MCCC1: variants seen among roughly 807,000 people sequenced by gnomAD.
MCCC1 encodes methylcrotonyl-CoA carboxylase subunit 1.
Under a neutral mutation model 83.8 loss-of-function variants are expected in MCCC1, and 64 were observed. That is an observed-to-expected ratio of 0.76 (90% CI 0.62 to 0.94). The LOEUF is 0.94. Among genes scored for constraint, MCCC1 ranks in the 40% least tolerant of loss-of-function variants. The pLI is 0.00. For synonymous variants in MCCC1, 322 were observed against 315.4 expected, an observed-to-expected ratio of 1.02 and a Z score of -0.22; for missense variants, 807 against 904.7, an observed-to-expected ratio of 0.89 and a Z score of 1.39.
intron 7 of MCCC1, among the ~76,000 whole-genome samples, chr3:183,067,263 A>C (rs916888984): frequency 2.0e-5 from 3 of 152,240 alleles, no homozygotes. Flanking sequence ...AGTTATCGTG[A>C]GACCTCAAGA....
rs1237043704 is a variant in MCCC1, at chr3:183,017,346, T to C, written c.1978-9A>G. The C allele has an allele frequency of 6.2e-7, 1 of 1,613,398 alleles. No homozygotes were observed. The highest frequency in any genetic ancestry group is 1.7e-5 in the Admixed American group (1 of 60,030). On this transcript the variant is annotated splice_polypyrimidine_tract_variant and intron_variant, in intron 17 of 18. Transcript: ENST00000265594. ...CCAGCTTTGACAAACACCTTGAGAT[T>C]CAGTGTGACAGGTTAATATTTGAAA...
chr3:183,092,700 C>T (rs1350361779), intron 2 of MCCC1, among the ~76,000 whole-genome samples, 155 bp from the exon 3 acceptor site: 3 of 152,050 alleles, frequency 2.0e-5, no homozygotes, highest in African/African-American at 7.2e-5. Flanking sequence ...ACCACTTTAA[C>T]TAATATTAGA....
chr3:183,114,978 C>T (rs931448931), intron 1 of MCCC1, among the ~76,000 whole-genome samples: 3 of 152,074 alleles, frequency 2.0e-5, no homozygotes, highest in African/African-American at 4.8e-5. Flanking sequence ...GACAGTCTCC[C>T]GGCTCGTGGT....
intron 4 of MCCC1, among the ~76,000 whole-genome samples, chr3:183,079,452 C>T (rs1199961567): frequency 2.0e-5 from 3 of 152,230 alleles, no homozygotes; most frequent in African/African-American, 7.2e-5. Context: ...AAAATGATCT[C>T]CTTTGACTCC....
At position 183,067,607 on chromosome 3, in the gene MCCC1, C is replaced by T. The variant is rs188078718; in HGVS notation, c.761+3392G>A. Among the ~76,000 whole-genome samples the T allele has an allele frequency of 2.6e-5, 4 of 152,234 alleles. No individual in the cohort carries two copies. The East Asian group carries it at 7.7e-4, about 29-fold the overall frequency. On this transcript the variant is annotated intron_variant, in intron 7 of 18. Coordinates refer to ENST00000265594, the MANE Select transcript of MCCC1 (RefSeq NM_020166.5). Reference sequence around the variant, plus strand: ...GAGATTTCCTACAATTTAGACTAACCCTGCTTATTCCTGTGGACCAACCAG... The same window carrying T: ...GAGATTTCCTACAATTTAGACTAACTCTGCTTATTCCTGTGGACCAACCAG...
intron 7 of MCCC1, among the ~76,000 whole-genome samples, chr3:183,058,443 CTG>C (rs1715587047): frequency 6.6e-6 from 1 of 152,096 alleles, no homozygotes; most frequent in Admixed American, 6.5e-5. Context: ...TAGTGAGACT[CTG>C]TTTCTAAAAA....
chr3:183,103,934 C>A (rs1181587818), upstream of MCCC1, among the ~76,000 whole-genome samples: 2 of 152,206 alleles, frequency 1.3e-5, no homozygotes, highest in African/African-American at 4.8e-5. Context: ...AGCGCAGCGC[C>A]GGTGGGCCGG....
At chr3:183,101,155 C>T (rs1719251466), upstream of MCCC1, among the ~76,000 whole-genome samples, 1 of 152,272 alleles carries the variant, frequency 6.6e-6, no homozygotes, top group Admixed American at 6.5e-5. Context: ...TCGGGACCTG[C>T]AGCCCGCCAT....
rs899913886 is a variant in MCCC1, at chr3:183,084,480, C to T, written c.369+2213G>A. 6.6e-5 allele frequency among the ~76,000 whole-genome samples: 10 copies of T among 152,214 alleles called. No homozygotes were observed. In the East Asian group the frequency reaches 1.9e-3, roughly 29 times the overall value. ...ATCATCTCCTTACCCTCCTAAGGAC[C>T]TTTTACTTCAAGCTGTAACCAAAAA... is the stretch of plus-strand genomic sequence containing the variant. On this transcript the variant is annotated intron_variant, in intron 4 of 18. Transcript: ENST00000265594.
chr3:183,099,693 TC>T, upstream of MCCC1: 1 of 588,382 alleles, frequency 1.7e-6, no homozygotes, highest in Non-Finnish European at 3.0e-6. Flanking sequence ...TGTTTCTGCG[TC>T]CCCTGGGGCC....
In MCCC1 at chr3:183,113,964, T is replaced by C. The variant is rs950507711; in HGVS notation, c.-102+1510A>G. Reference sequence around the variant, plus strand: ...TGGGTGTAATGCCCAACCTTGTTTTTTCCTTATTCACCAGGCCTTGTTTCT... The same window carrying C: ...TGGGTGTAATGCCCAACCTTGTTTTCTCCTTATTCACCAGGCCTTGTTTCT... On this transcript the variant is annotated intron_variant, in intron 1 of 17. Coordinates refer to the MCCC1 transcript ENST00000492597. Among the ~76,000 whole-genome samples, 108 of 152,232 alleles carry C rather than the reference T, an allele frequency of 7.1e-4. 1 individual carries two copies. Among genetic ancestry groups the C allele is most frequent in the African/African-American group, 2.5e-3 (105 of 41,548 alleles).
intron 8 of MCCC1, among the ~76,000 whole-genome samples, chr3:183,053,895 TGAGATGGAGTCTCACTC>T (rs1424017730): frequency 6.7e-6 from 1 of 149,514 alleles, no homozygotes; most frequent in African/African-American, 2.4e-5. Flanking sequence ...TTTTTTTTTT[TGAGATGGAGTCTCACTC>T]TGTTGCCCAG....
At chr3:183,062,578 C>T (rs1161567045) in intron 7 of MCCC1, among the ~76,000 whole-genome samples, 2 of 152,144 alleles carry the variant, frequency 1.3e-5, no homozygotes, top group Non-Finnish European at 2.9e-5. Flanking sequence ...TGGTCTCGAA[C>T]TCCTGAGCTC....
intron 12 of MCCC1, among the ~76,000 whole-genome samples, chr3:183,038,785 G>A (rs1004736424): frequency 2.0e-5 from 3 of 152,194 alleles, no homozygotes; most frequent in Non-Finnish European, 2.9e-5. Flanking sequence ...GGATTTCACC[G>A]AAGCATAGCA....
chr3:183,060,975 A>G (rs1577312500), intron 7 of MCCC1, among the ~76,000 whole-genome samples: 1 of 152,152 alleles, frequency 6.6e-6, no homozygotes, highest in East Asian at 1.9e-4. Flanking sequence ...CTGGGTGTAC[A>G]GAGGTGAGCA....
At chr3:183,037,500 G>A in intron 12 of MCCC1, 66 bp from the exon 13 acceptor site, 1 of 1,295,922 alleles carries the variant, frequency 7.7e-7, no homozygotes, top group Non-Finnish European at 1.1e-6. Flanking sequence ...AAAACCATCT[G>A]CTCTTTTTAT....
intron 8 of MCCC1, among the ~76,000 whole-genome samples, chr3:183,057,003 C>A (rs560986110): frequency 6.6e-6 from 1 of 152,274 alleles, no homozygotes; most frequent in South Asian, 2.1e-4. Flanking sequence ...CCATTCATTA[C>A]AATTTAAAAT....
In MCCC1 at chr3:183,071,097, T is replaced by A. The variant is rs200930249; in HGVS notation, c.663A>T (p.Glu221Asp). 3 of 1,614,220 alleles carry A rather than the reference T, an allele frequency of 1.9e-6. No individual in the cohort carries two copies. Among genetic ancestry groups the A allele is most frequent in the South Asian group, 1.1e-5 (1 of 91,084 alleles). The change falls in exon 7 of 19, where the codon GAA (glutamate) becomes GAT (aspartate). Residue 221 changes from glutamate to aspartate, a missense_variant. Glu to Asp is a conservative substitution (Grantham distance 45). Coordinates refer to ENST00000265594, the MANE Select transcript of MCCC1 (RefSeq NM_020166.5). ...GGKGMRIVRS[E>D]QEFQEQLESA... ...ACTCTAACTGTTCTTGAAATTCTTG[T>A]TCTGATCTAACAATCCTCATTCCCT...
chr3:183,098,702 A>C (rs1194046142), intron 1 of MCCC1: 1 of 152,370 alleles, frequency 6.6e-6, no homozygotes, highest in Non-Finnish European at 1.5e-5. Context: ...AATTTGAAAC[A>C]GAGCTGGAGT....
Sources: gnomAD v4.1 joint callset for allele counts (sites outside exome capture counted in the v4.1 genomes callset) on GRCh38, gnomAD v4.1.1 for gene constraint, MANE v1.5 for transcripts, NCBI Gene and HGNC (gene_info 2026-07-23, HGNC 2026-07-21) for gene names.